The following USP34 variants were observed in gnomAD, a reference collection of about 807,000 sequenced individuals.
USP34 encodes ubiquitin specific peptidase 34, also known as ubiquitin carboxyl-terminal hydrolase 34.
In USP34, 70 loss-of-function variants were observed where a neutral mutation model predicts 460.3. The observed-to-expected ratio is 0.15, with a 90% CI of 0.13 to 0.19. The LOEUF (loss-of-function observed/expected upper bound fraction) is 0.19. USP34 is among the 10% of genes least tolerant of loss of function. USP34 has a pLI of 1.00. For synonymous variants in USP34, 1,647 were observed against 1,405.3 expected, an observed-to-expected ratio of 1.17 and a Z score of -3.85; for missense variants, 3,985 against 4,236.2, an observed-to-expected ratio of 0.94 and a Z score of 1.65.
chr2:61,361,245 T>A (rs1051910866), intron 10 of USP34, among the ~76,000 whole-genome samples: 5 of 152,142 alleles, frequency 3.3e-5, no homozygotes, highest in African/African-American at 1.2e-4. Flanking sequence ...ACCCAGTCTC[T>A]ACAAAACAAT....
At chr2:61,225,543 C>T (rs891819769) in intron 62 of USP34, among the ~76,000 whole-genome samples, 3 of 151,796 alleles carry the variant, frequency 2.0e-5, no homozygotes, top group Non-Finnish European at 4.4e-5. Flanking sequence ...ATTCCTGTCC[C>T]CTCCACCCTG....
intron 8 of USP34, among the ~76,000 whole-genome samples, chr2:61,375,129 A>C (rs1692753247): frequency 6.6e-6 from 1 of 152,212 alleles, no homozygotes; most frequent in African/African-American, 2.4e-5. Context: ...ACATTATGGC[A>C]AATAACCACA....
chr2:61,465,401 G>A (rs917868711), intron 1 of USP34, among the ~76,000 whole-genome samples: 4 of 152,130 alleles, frequency 2.6e-5, no homozygotes, highest in African/African-American at 7.2e-5. Flanking sequence ...ATGACAAAAC[G>A]AACTGTTCAT....
In USP34 at chr2:61,204,578, A is replaced by G. The variant is rs374445971; in HGVS notation, c.9178T>C (p.Leu3060=). 17 of 1,613,884 alleles carry G rather than the reference A, an allele frequency of 1.1e-5. No individual in the cohort carries two copies. In the African/African-American group the frequency reaches 1.9e-4, roughly 18 times the overall value. ...CIDVLKELVL[L]SPHDFLHTLV... ...GTATGAAGAAAATCATGGGGACTCA[A>G]AAGTACAAGTTCCTTGAGGACATCT... Residue 3060 remains leucine, a synonymous_variant, in exon 73 of 80, where the codon TTG becomes CTG. Transcript: ENST00000398571.
At chr2:61,248,759 A>C in intron 48 of USP34, 76 bp from the exon 49 acceptor site, 1 of 1,339,210 alleles carries the variant, frequency 7.5e-7, no homozygotes, top group East Asian at 2.5e-5. Context: ...GTTATGCTAT[A>C]TCCATTTCAA....
Position 61,331,259 on chromosome 2 carries a change from A to C in USP34, c.2930+17T>G, listed in dbSNP as rs1691253033. On this transcript the variant is annotated intron_variant, in intron 20 of 79. Transcript: ENST00000398571. ...ACATCGACACAAATGTATTTAACCC[A>C]GTTGAGAGGTACTTACAGTGCATGT... 1 of 1,589,304 alleles carries C rather than the reference A, an allele frequency of 6.3e-7. No homozygotes were observed. The highest frequency in any genetic ancestry group is 1.1e-5 in the South Asian group (1 of 87,880).
intron 41 of USP34, among the ~76,000 whole-genome samples, chr2:61,267,909 C>T (rs570906557): frequency 5.9e-5 from 9 of 151,678 alleles, no homozygotes; most frequent in Non-Finnish European, 1.0e-4. Context: ...CGTGAGCCAC[C>T]GCACCCAGTT....
intron 29 of USP34, 73 bp from the exon 30 acceptor site, chr2:61,296,998 T>G (rs2103628866): frequency 2.0e-6 from 3 of 1,488,760 alleles, no homozygotes; most frequent in Middle Eastern, 4.5e-4. Context: ...AATTTTTGCA[T>G]AAAGTAATGA....
intron 10 of USP34, among the ~76,000 whole-genome samples, chr2:61,361,236 C>CAAAA (rs1270226295): frequency 1.3e-5 from 2 of 152,130 alleles, no homozygotes; most frequent in East Asian, 3.9e-4. Flanking sequence ...TACAGCAAGA[C>CAAAA]CCAGTCTCTA....
At chr2:61,240,218 C>G (rs778613530) in intron 53 of USP34, among the ~76,000 whole-genome samples, 1 of 141,866 alleles carries the variant, frequency 7.0e-6, no homozygotes, top group Non-Finnish European at 1.5e-5. Flanking sequence ...CAATAATGTA[C>G]TATTACTACT....
Position 61,370,546 on chromosome 2 carries a change from A to T in USP34, c.1110T>A (p.Ile370=). The T allele has an allele frequency of 6.2e-7, 1 of 1,613,918 alleles. No individual in the cohort carries two copies. The highest frequency in any genetic ancestry group is 1.1e-5 in the South Asian group (1 of 91,020). ...ATATATGCTCCACCACATTGTTGCTAATAAGCCAGTCTGCAAGTTCTTTTG... is the reference window on the plus strand; with the variant it reads ...ATATATGCTCCACCACATTGTTGCTTATAAGCCAGTCTGCAAGTTCTTTTG... ...SIAKELADWL[I]SNNVVEHIFG... Residue 370 remains isoleucine (I), a synonymous_variant, in exon 9 of 80, where the codon ATT becomes ATA. Transcript: ENST00000398571.
intron 25 of USP34, among the ~76,000 whole-genome samples, chr2:61,312,225 T>TAA (rs79623374): frequency 7.1e-6 from 1 of 141,020 alleles, no homozygotes; most frequent in African/African-American, 2.6e-5. Context: ...TAGGAGGAAT[T>TAA]AAAAAAAAAA....
intron 48 of USP34, among the ~76,000 whole-genome samples, chr2:61,253,710 GCTA>G (rs775097128): frequency 6.6e-6 from 1 of 150,944 alleles, no homozygotes; most frequent in Non-Finnish European, 1.5e-5. Flanking sequence ...ACTCTTTCTG[GCTA>G]CTATTTTCCT....
intron 33 of USP34, among the ~76,000 whole-genome samples, chr2:61,291,953 A>C (rs1172068690): frequency 6.6e-6 from 1 of 152,168 alleles, no homozygotes; most frequent in Non-Finnish European, 1.5e-5. Flanking sequence ...GAAAGAAACC[A>C]GTCACGATGG....
chr2:61,375,116 G>C (rs1202744547), intron 8 of USP34, among the ~76,000 whole-genome samples: 4 of 152,060 alleles, frequency 2.6e-5, no homozygotes, highest in Non-Finnish European at 2.9e-5. Context: ...TGTGAATGAA[G>C]AAACATTATG....
At chr2:61,257,640 T>C (rs1688754365) in intron 44 of USP34, among the ~76,000 whole-genome samples, 1 of 152,214 alleles carries the variant, frequency 6.6e-6, no homozygotes, top group African/African-American at 2.4e-5. Flanking sequence ...GGCTCAAGCC[T>C]GTAACCCCAG....
intron 61 of USP34, 92 bp from the exon 62 acceptor site, chr2:61,227,310 T>C (rs1009149938): frequency 1.4e-5 from 20 of 1,401,004 alleles, no homozygotes; most frequent in Non-Finnish European, 1.6e-5. Flanking sequence ...GTGTAGATGG[T>C]GGCAGGAGCT....
At chr2:61,280,467 A>T in intron 38 of USP34, 119 bp from the exon 39 acceptor site, 1 of 457,152 alleles carries the variant, frequency 2.2e-6, no homozygotes, top group Non-Finnish European at 3.6e-6. Context: ...AGTATTCAAA[A>T]TCTTTTTAAA....
At chr2:61,204,697 C>A in intron 72 of USP34, 96 bp from the exon 73 acceptor site, 1 of 945,908 alleles carries the variant, frequency 1.1e-6, no homozygotes, top group Non-Finnish European at 1.7e-6. Context: ...CTCACTACAA[C>A]CAGTTTAATG....
Sources: gnomAD v4.1 joint callset for allele counts (sites outside exome capture counted in the v4.1 genomes callset) on GRCh38, gnomAD v4.1.1 for gene constraint, MANE v1.5 for transcripts, NCBI Gene and HGNC (gene_info 2026-07-23, HGNC 2026-07-21) for gene names.